Variants in LRRC4C observed in about 807,000 individuals in gnomAD.
LRRC4C encodes the protein leucine rich repeat containing 4C, also known as leucine-rich repeat-containing protein 4C.
Under a neutral mutation model 33.6 loss-of-function variants are expected in LRRC4C, and 5 were observed. The observed-to-expected ratio is 0.15, with a 90% CI of 0.08 to 0.31. The LOEUF (loss-of-function observed/expected upper bound fraction) is 0.31, where lower values mean the gene tolerates loss of function less well. Ranked by LOEUF, LRRC4C falls within the 10% of genes least tolerant of loss-of-function variation. The pLI, the probability that LRRC4C is intolerant of heterozygous loss-of-function variation, is 1.00. For missense variants in LRRC4C, 560 were observed against 796.7 expected, an observed-to-expected ratio of 0.70 and a Z score of 3.58; for synonymous variants, 329 against 302.0, an observed-to-expected ratio of 1.09 and a Z score of -0.93.
intron 2 of LRRC4C, among the ~76,000 whole-genome samples, chr11:40,918,404 A>G (rs1957047994): frequency 6.6e-6 from 1 of 151,682 alleles, no homozygotes; most frequent in Admixed American, 6.6e-5. Context: ...ATTTATATAT[A>G]TGGAATCAAA....
chr11:40,815,478 C>T (rs1230617701), intron 2 of LRRC4C, among the ~76,000 whole-genome samples: 1 of 152,146 alleles, frequency 6.6e-6, no homozygotes, highest in Non-Finnish European at 1.5e-5. Flanking sequence ...TACTCCATTC[C>T]AATTCTCTTT....
At chr11:40,128,909 C>T (rs1856453048) in intron 6 of LRRC4C, among the ~76,000 whole-genome samples, 1 of 152,062 alleles carries the variant, frequency 6.6e-6, no homozygotes, top group Non-Finnish European at 1.5e-5. Context: ...TAATAAGTTA[C>T]CTATATTCAA....
At chr11:40,729,417 A>C (rs1386627021) in intron 2 of LRRC4C, among the ~76,000 whole-genome samples, 1 of 152,176 alleles carries the variant, frequency 6.6e-6, no homozygotes, top group African/African-American at 2.4e-5. Flanking sequence ...CTTTTCTTGT[A>C]AAAATATCTC....
At chr11:40,284,514 T>C (rs906439357) in intron 4 of LRRC4C, among the ~76,000 whole-genome samples, 4 of 152,190 alleles carry the variant, frequency 2.6e-5, no homozygotes, top group African/African-American at 9.7e-5. Context: ...AAAGAGGATG[T>C]TCAGCATTAC....
chr11:41,248,094 A>G (rs1948512189), intron 1 of LRRC4C, among the ~76,000 whole-genome samples: 1 of 152,198 alleles, frequency 6.6e-6, no homozygotes, highest in Admixed American at 6.5e-5. Context: ...TCAAGAACCC[A>G]GCAGATTCTT....
chr11:41,201,557 A>C lies in LRRC4C; in HGVS notation c.-496+257874T>G, dbSNP rs1450495602. ...ACCATAGTTTTGAAGATGTGGCCCA[A>C]GCTACCGTTTTTCCTGATGTGTGAA... On this transcript the variant is annotated intron_variant, in intron 1 of 6. Transcript: ENST00000528697. Among the ~76,000 whole-genome samples the C allele has an allele frequency of 2.0e-5, 3 of 152,172 alleles. 1 individual carries two copies. Among genetic ancestry groups the C allele is most frequent in the Non-Finnish European group, 4.4e-5 (3 of 68,026 alleles).
chr11:40,819,944 G>A (rs1274483683), intron 2 of LRRC4C, among the ~76,000 whole-genome samples: 2 of 151,438 alleles, frequency 1.3e-5, no homozygotes, highest in Non-Finnish European at 2.9e-5. Context: ...CATACCAGAG[G>A]GAAGACAAAT....
At chr11:40,405,454 A>G (rs901725951) in intron 3 of LRRC4C, among the ~76,000 whole-genome samples, 2 of 151,576 alleles carry the variant, frequency 1.3e-5, no homozygotes, top group African/African-American at 4.8e-5. Flanking sequence ...TGACAAACAT[A>G]GTGAAACCCC....
intron 3 of LRRC4C, among the ~76,000 whole-genome samples, chr11:40,591,244 G>C (rs972767823): frequency 1.3e-5 from 2 of 152,134 alleles, no homozygotes; most frequent in Non-Finnish European, 2.9e-5. Flanking sequence ...CGATTTTCCA[G>C]GTGCCATCCG....
chr11:41,015,012 A>AT (rs980280667), intron 1 of LRRC4C, among the ~76,000 whole-genome samples: 1 of 152,204 alleles, frequency 6.6e-6, no homozygotes, highest in Admixed American at 6.5e-5. Context: ...AAGTGAAGAA[A>AT]TTTTAAATGA....
At chr11:40,646,519 T>C (rs1157403984) in intron 3 of LRRC4C, among the ~76,000 whole-genome samples, 1 of 152,182 alleles carries the variant, frequency 6.6e-6, no homozygotes, top group African/African-American at 2.4e-5. Context: ...AACAACATCC[T>C]TCCCTGTGTA....
intron 2 of LRRC4C, among the ~76,000 whole-genome samples, chr11:40,677,892 G>A (rs543629772): frequency 1.3e-5 from 2 of 152,102 alleles, no homozygotes; most frequent in South Asian, 2.1e-4. Context: ...ATTGATATCC[G>A]GAGTTTTACG....
chr11:40,128,047 A>G (rs1856382932), intron 6 of LRRC4C, among the ~76,000 whole-genome samples: 1 of 151,378 alleles, frequency 6.6e-6, no homozygotes, highest in Non-Finnish European at 1.5e-5. Context: ...CCAGCAAAAC[A>G]AAAACCAGCT....
At chr11:41,181,083 G>C (rs1036906824) in intron 1 of LRRC4C, among the ~76,000 whole-genome samples, 5 of 152,110 alleles carry the variant, frequency 3.3e-5, no homozygotes, top group African/African-American at 1.2e-4. Context: ...GCCACAGAAT[G>C]AACTGTTTTC....
intron 6 of LRRC4C, among the ~76,000 whole-genome samples, chr11:40,128,423 T>C (rs544820648): frequency 6.6e-6 from 1 of 152,354 alleles, no homozygotes; most frequent in South Asian, 2.1e-4. Context: ...TTATATGTTA[T>C]CTTCATTTCC....
chr11:40,227,705 C>A (rs751551442), intron 5 of LRRC4C, among the ~76,000 whole-genome samples: 8 of 151,376 alleles, frequency 5.3e-5, no homozygotes, highest in Non-Finnish European at 8.8e-5. Context: ...ACCATGGGTG[C>A]TAAAAAGAGG....
intron 1 of LRRC4C, among the ~76,000 whole-genome samples, chr11:41,024,819 C>G (rs781710017): frequency 1.3e-5 from 2 of 151,568 alleles, no homozygotes; most frequent in Admixed American, 1.3e-4. Flanking sequence ...CTATGGCAAC[C>G]CTGTGTTGGG....
At position 40,654,153 on chromosome 11, in the gene LRRC4C, G is replaced by A. The variant is rs185499565; in HGVS notation, c.-406-5875C>T. ...TAGAGAACCACTGCTAGGGCAGTGT[G>A]GATGGGAAATGTGGGATTGGAACTC... is the stretch of plus-strand genomic sequence containing the variant. On this transcript the variant is annotated intron_variant, in intron 2 of 6. Transcript: ENST00000528697. 9.2e-5 allele frequency among the ~76,000 whole-genome samples: 14 copies of A among 152,320 alleles called. No homozygotes were observed. In the East Asian group the frequency reaches 2.1e-3, roughly 23 times the overall value.
At chr11:40,265,544 A>G (rs531792590) in intron 4 of LRRC4C, among the ~76,000 whole-genome samples, 38 of 152,332 alleles carry the variant, frequency 2.5e-4, no homozygotes, top group African/African-American at 6.7e-4. Flanking sequence ...GTCACAACCA[A>G]TGAGGAAGAT....
Sources: gnomAD v4.1 joint callset for allele counts (sites outside exome capture counted in the v4.1 genomes callset) on GRCh38, gnomAD v4.1.1 for gene constraint, MANE v1.5 for transcripts, NCBI Gene and HGNC (gene_info 2026-07-23, HGNC 2026-07-21) for gene names.